The following FRAS1 variants were observed in gnomAD, a reference collection of about 807,000 sequenced individuals.
FRAS1 encodes the protein Fraser extracellular matrix complex subunit 1.
In FRAS1, 290 loss-of-function variants were observed where a neutral mutation model predicts 435.2. The ratio of observed to expected loss-of-function variants is 0.67; its 90% confidence interval spans 0.61 to 0.73. The LOEUF is 0.73. FRAS1 is among the 30% of genes least tolerant of loss of function. The pLI, the probability that FRAS1 is intolerant of heterozygous loss-of-function variation, is 0.00. For synonymous variants in FRAS1, 1,800 were observed against 1,851.0 expected (o/e 0.97, Z 0.71); for missense variants, 4,860 against 5,001.5 (o/e 0.97, Z 0.85).
At chr4:78,167,543 T>C (rs188341596) in intron 2 of FRAS1, among the ~76,000 whole-genome samples, 1 of 152,124 alleles carries the variant, frequency 6.6e-6, no homozygotes, top group East Asian at 1.9e-4. Context: ...TTGATTATTA[T>C]TATAGGTAGC....
chr4:78,516,713 G>T (rs937014198), intron 66 of FRAS1, among the ~76,000 whole-genome samples: 4 of 152,178 alleles, frequency 2.6e-5, no homozygotes, highest in African/African-American at 4.8e-5. Context: ...TTACATGGTG[G>T]CAGGTGAGAG....
intron 2 of FRAS1, among the ~76,000 whole-genome samples, chr4:78,133,551 ATGTT>A (rs1298318430): frequency 2.0e-5 from 3 of 152,178 alleles, no homozygotes; most frequent in Non-Finnish European, 4.4e-5. Context: ...TAAAGGATAA[ATGTT>A]TGAGGGAACA....
In FRAS1 at chr4:78,271,462, C is replaced by G. The variant is rs1726678569; in HGVS notation, c.981+4030C>G. 2.6e-5 allele frequency among the ~76,000 whole-genome samples: 4 copies of G among 151,772 alleles called. No homozygotes were observed. In the South Asian group the frequency reaches 8.3e-4, roughly 32 times the overall value. On this transcript the variant is annotated intron_variant, in intron 9 of 73. Transcript: ENST00000512123. The stretch of plus-strand genomic sequence containing the variant: ...TATATCTCCTAATGCTATCCCTCCC[C>G]CCTACCCCCAACCCACAACAGGGCC...
chr4:78,063,502 T>C (rs1739850846), intron 1 of FRAS1, among the ~76,000 whole-genome samples: 2 of 152,276 alleles, frequency 1.3e-5, no homozygotes, highest in South Asian at 4.1e-4. Flanking sequence ...AATTGTACAA[T>C]ACAAAGCAAC....
intron 2 of FRAS1, among the ~76,000 whole-genome samples, chr4:78,137,154 C>G (rs1719955122): frequency 6.6e-6 from 1 of 152,220 alleles, no homozygotes; most frequent in African/African-American, 2.4e-5. Context: ...CTGGGCAATA[C>G]TTACATGGCT....
intron 24 of FRAS1, among the ~76,000 whole-genome samples, chr4:78,373,064 G>A (rs1731578810): frequency 1.3e-5 from 2 of 152,142 alleles, no homozygotes; most frequent in South Asian, 4.2e-4. Context: ...AAAATTTGAG[G>A]GCAATATGGG....
At chr4:78,502,524 A>G (rs1365505829) in intron 61 of FRAS1, among the ~76,000 whole-genome samples, 2 of 151,636 alleles carry the variant, frequency 1.3e-5, no homozygotes, top group African/African-American at 2.4e-5. Context: ...TCTGTTTATT[A>G]TAGTTGTATA....
intron 2 of FRAS1, among the ~76,000 whole-genome samples, chr4:78,161,179 A>G (rs1578159818): frequency 1.3e-5 from 2 of 151,978 alleles, no homozygotes; most frequent in African/African-American, 4.8e-5. Context: ...TATAAAGAAA[A>G]GGAAAGTAAT....
chr4:78,472,595 T>A (rs1043590947), intron 52 of FRAS1, among the ~76,000 whole-genome samples: 6 of 152,226 alleles, frequency 3.9e-5, no homozygotes, highest in Non-Finnish European at 7.3e-5. Context: ...CCAGGTTTTC[T>A]GGAAAAGAAT....
Position 78,322,331 on chromosome 4 carries a change from T to C in FRAS1, c.2137+3345T>C, listed in dbSNP as rs151037014. 1.7e-3 allele frequency among the ~76,000 whole-genome samples: 256 copies of C among 152,334 alleles called. 2 individuals carry two copies. The highest frequency in any genetic ancestry group is 5.9e-3 in the African/African-American group (246 of 41,568). The stretch of plus-strand genomic sequence containing the variant: ...CTTCCCACATCTTCCCAGAAATATC[T>C]TTGCCTCTCTGCAGAATGTTAAAAA... On this transcript the variant is annotated intron_variant, in intron 18 of 73. Coordinates refer to ENST00000512123, the MANE Select transcript of FRAS1 (RefSeq NM_025074.7).
chr4:78,452,437 T>G, intron 47 of FRAS1, 83 bp downstream of exon 47: 1 of 1,049,582 alleles, frequency 9.5e-7, no homozygotes, highest in Non-Finnish European at 1.4e-6. Context: ...GTATCATGTA[T>G]ACCTAGAATC....
At chr4:78,478,170 A>G (rs1560749988) in intron 55 of FRAS1, 109 bp downstream of exon 55, 1 of 1,214,220 alleles carries the variant, frequency 8.2e-7, no homozygotes, top group Non-Finnish European at 1.1e-6. Context: ...TCACATGTGT[A>G]CTTTCCACTT....
At chr4:78,087,251 A>G (rs952458010) in intron 2 of FRAS1, among the ~76,000 whole-genome samples, 1 of 152,088 alleles carries the variant, frequency 6.6e-6, no homozygotes, top group African/African-American at 2.4e-5. Context: ...CTCTCAATAA[A>G]TTAGGTATTG....
At chr4:78,078,981 T>C (rs1740779032) in intron 2 of FRAS1, among the ~76,000 whole-genome samples, 1 of 152,168 alleles carries the variant, frequency 6.6e-6, no homozygotes, top group African/African-American at 2.4e-5. Context: ...TCTGGCATTA[T>C]GTATGTTATA....
chr4:78,391,997 T>G lies in FRAS1; in HGVS notation c.3975+4296T>G, dbSNP rs866352392. On this transcript the variant is annotated intron_variant, in intron 29 of 73. Transcript: ENST00000512123. ...ATGAGGGTTTCACCTTTTGGGGGGG[T>G]TTGATTAGCTTGTTCAATTCAGTAT... is the stretch of plus-strand genomic sequence containing the variant. Among the ~76,000 whole-genome samples, 8 of 151,970 alleles carry G rather than the reference T, an allele frequency of 5.3e-5. No individual in the cohort carries two copies. In the South Asian group the frequency reaches 1.0e-3, roughly 20 times the overall value.
chr4:78,489,895 G>T (rs75326933), intron 59 of FRAS1, among the ~76,000 whole-genome samples: 3,649 of 135,270 alleles, frequency 0.027, 177 homozygotes, highest in African/African-American at 0.091. Flanking sequence ...AGTCAGCAGA[G>T]TATTCTCTTG....
intron 2 of FRAS1, among the ~76,000 whole-genome samples, chr4:78,220,180 A>G (rs1723990025): frequency 6.6e-6 from 1 of 152,170 alleles, no homozygotes; most frequent in South Asian, 2.1e-4. Flanking sequence ...TATTTTGTTG[A>G]TTCACATTTT....
intron 38 of FRAS1, among the ~76,000 whole-genome samples, chr4:78,435,565 C>G (rs866195038): frequency 2.0e-5 from 3 of 152,038 alleles, no homozygotes; most frequent in Non-Finnish European, 1.5e-5. Flanking sequence ...ATGGCGAAAC[C>G]CTGTCTCTAC....
At chr4:78,518,446 A>ATTTATT (rs57703897) in intron 66 of FRAS1, among the ~76,000 whole-genome samples, 2,605 of 106,802 alleles carry the variant, frequency 0.024, 85 homozygotes, top group African/African-American at 0.083. Context: ...ATATATATAT[A>ATTTATT]TATATATTTA....
Sources: allele counts gnomAD v4.1 joint callset (sites outside exome capture counted in the v4.1 genomes callset), GRCh38; gene constraint gnomAD v4.1.1; transcripts MANE v1.5; gene names NCBI Gene and HGNC (gene_info 2026-07-23, HGNC 2026-07-21).